The following ROBO1 variants were observed in gnomAD, a reference collection of about 807,000 sequenced individuals.
The protein encoded by ROBO1 is roundabout homolog 1.
In ROBO1, 149 loss-of-function variants were observed where a neutral mutation model predicts 195.9. The observed-to-expected ratio is 0.76, with a 90% confidence interval of 0.67 to 0.87. The LOEUF is 0.87. ROBO1 is among the 40% of genes least tolerant of loss of function. ROBO1 has a pLI of 0.00. For synonymous variants in ROBO1, 816 were observed against 733.2 expected (o/e 1.11, Z -1.82); for missense variants, 1,933 against 2,068.3 (o/e 0.93, Z 1.27).
chr3:79,682,548 T>A (rs1464340043), intron 1 of ROBO1, among the ~76,000 whole-genome samples: 1 of 151,968 alleles, frequency 6.6e-6, no homozygotes, highest in Non-Finnish European at 1.5e-5. Context: ...AATGGATTTT[T>A]AAAAAATAGA....
At chr3:79,574,814 G>C (rs1943397211) in intron 2 of ROBO1, among the ~76,000 whole-genome samples, 1 of 151,518 alleles carries the variant, frequency 6.6e-6, no homozygotes, top group African/African-American at 2.4e-5. Context: ...AGTGCATTAT[G>C]ACATATCATG....
intron 4 of ROBO1, among the ~76,000 whole-genome samples, chr3:78,779,708 G>C (rs1294925203): frequency 6.6e-6 from 1 of 152,070 alleles, no homozygotes; most frequent in Non-Finnish European, 1.5e-5. Flanking sequence ...GATTCCTCAA[G>C]GATCTAGAAC....
chr3:79,007,983 T>C (rs1473318213), intron 3 of ROBO1, among the ~76,000 whole-genome samples: 1 of 152,220 alleles, frequency 6.6e-6, no homozygotes, highest in African/African-American at 2.4e-5. Context: ...CTGTAAAGTC[T>C]ACCTCTGAAA....
intron 2 of ROBO1, among the ~76,000 whole-genome samples, chr3:79,551,284 C>A (rs910809464): frequency 1.3e-5 from 2 of 151,516 alleles, no homozygotes; most frequent in African/African-American, 4.9e-5. Flanking sequence ...TGTGCTGCAC[C>A]CATTAACTCG....
chr3:78,881,451 CA>C (rs2036174888), intron 4 of ROBO1, among the ~76,000 whole-genome samples: 2 of 152,088 alleles, frequency 1.3e-5, no homozygotes, highest in African/African-American at 4.8e-5. Flanking sequence ...TTGAAGAAAA[CA>C]ATAAAAATGC....
intron 2 of ROBO1, among the ~76,000 whole-genome samples, chr3:79,295,524 C>T (rs2032539170): frequency 6.6e-6 from 1 of 152,030 alleles, no homozygotes; most frequent in Non-Finnish European, 1.5e-5. Flanking sequence ...TGCAGCAAAC[C>T]ACTATGGCAC....
intron 2 of ROBO1, among the ~76,000 whole-genome samples, chr3:79,453,101 C>T (rs991819692): frequency 6.6e-6 from 1 of 151,716 alleles, no homozygotes. Context: ...TCTTAAGTAG[C>T]CAAATCTAGA....
intron 2 of ROBO1, among the ~76,000 whole-genome samples, chr3:79,196,917 T>C (rs2081648120): frequency 6.6e-6 from 1 of 151,786 alleles, no homozygotes; most frequent in Admixed American, 6.6e-5. Flanking sequence ...TTGCATTAAT[T>C]GGATGATATC....
At chr3:79,070,814 G>A (rs1368569842) in intron 3 of ROBO1, among the ~76,000 whole-genome samples, 2 of 151,598 alleles carry the variant, frequency 1.3e-5, no homozygotes, top group African/African-American at 2.4e-5. Context: ...ACATACTCAT[G>A]TGTTTTTTAC....
rs530580150 is a variant in ROBO1, at chr3:79,405,425, T to C, written c.88+184399A>G. Among the ~76,000 whole-genome samples the C allele has an allele frequency of 1.6e-4, 25 of 152,332 alleles. 1 individual carries two copies. In the South Asian group the frequency reaches 5.2e-3, roughly 32 times the overall value. ...AGGAAGCACATTATGCTTTCTCTGA[T>C]AGGGCCCAGTCACCTCTGTGGCTGC... On this transcript the variant is annotated intron_variant, in intron 2 of 30. Transcript: ENST00000464233.
chr3:78,910,049 A>T (rs2038154162), intron 4 of ROBO1, among the ~76,000 whole-genome samples: 1 of 151,870 alleles, frequency 6.6e-6, no homozygotes, highest in South Asian at 2.1e-4. Flanking sequence ...GACATTAAGA[A>T]GATGAATATG....
At chr3:79,752,244 C>T (rs994726944) in intron 1 of ROBO1, among the ~76,000 whole-genome samples, 1 of 152,018 alleles carries the variant, frequency 6.6e-6, no homozygotes, top group African/African-American at 2.4e-5. Flanking sequence ...CTTGGTAATT[C>T]CACTCAGAGA....
At chr3:78,736,860 T>C (rs2108224685) in intron 5 of ROBO1, among the ~76,000 whole-genome samples, 1 of 152,278 alleles carries the variant, frequency 6.6e-6, no homozygotes, top group South Asian at 2.1e-4. Context: ...TAAATAAAAT[T>C]GCAAGTGTGT....
intron 9 of ROBO1, among the ~76,000 whole-genome samples, chr3:78,687,418 A>G (rs987006617): frequency 6.6e-6 from 1 of 152,206 alleles, no homozygotes; most frequent in African/African-American, 2.4e-5. Flanking sequence ...TACTAAAGTG[A>G]AAGAAAAGGT....
intron 2 of ROBO1, among the ~76,000 whole-genome samples, chr3:79,552,160 GCAGAACAATAAT>G (rs1325100617): frequency 1.3e-5 from 2 of 151,802 alleles, no homozygotes; most frequent in African/African-American, 4.8e-5. Flanking sequence ...AACGTGTTCT[GCAGAACAATAAT>G]CACACACATG....
At chr3:78,610,653 G>A (rs2107325325) in intron 28 of ROBO1, among the ~76,000 whole-genome samples, 1 of 152,036 alleles carries the variant, frequency 6.6e-6, no homozygotes, top group Middle Eastern at 3.4e-3. Flanking sequence ...ACAAAGGCTT[G>A]GGAATATATG....
At chr3:78,975,584 G>C (rs935458091) in intron 3 of ROBO1, among the ~76,000 whole-genome samples, 3 of 152,098 alleles carry the variant, frequency 2.0e-5, no homozygotes, top group African/African-American at 7.2e-5. Flanking sequence ...TAACCACTGA[G>C]AGGAAATGAA....
chr3:79,714,127 C>A (rs1220831650), intron 1 of ROBO1, among the ~76,000 whole-genome samples: 1 of 151,800 alleles, frequency 6.6e-6, no homozygotes, highest in Non-Finnish European at 1.5e-5. Context: ...CCAGAATCTA[C>A]AATGAGCTCA....
At chr3:79,328,319 T>C (rs1263099810) in intron 2 of ROBO1, among the ~76,000 whole-genome samples, 1 of 152,160 alleles carries the variant, frequency 6.6e-6, no homozygotes, top group Non-Finnish European at 1.5e-5. Context: ...CAAAAAATAA[T>C]ATATGAAGAG....
Sources: allele counts gnomAD v4.1 joint callset (sites outside exome capture counted in the v4.1 genomes callset), GRCh38; gene constraint gnomAD v4.1.1; transcripts MANE v1.5; gene names NCBI Gene and HGNC (gene_info 2026-07-23, HGNC 2026-07-21).